Variants in STX8 observed in about 807,000 individuals in gnomAD.
STX8 encodes the protein syntaxin-8.
STX8 carries 23 observed loss-of-function variants against 37.5 expected under a neutral mutation model. The ratio of observed to expected loss-of-function variants is 0.61; its 90% CI spans 0.44 to 0.87. STX8 has a LOEUF of 0.87. Ranked by LOEUF, STX8 falls within the 40% of genes least tolerant of loss-of-function variation. The pLI is 0.00. For synonymous variants in STX8, 115 were observed against 99.1 expected (o/e 1.16, Z -0.95); for missense variants, 313 against 284.7 (o/e 1.10, Z -0.71).
intron 7 of STX8, among the ~76,000 whole-genome samples, chr17:9,339,373 G>A (rs986554309): frequency 7.3e-5 from 11 of 151,668 alleles, no homozygotes; most frequent in African/African-American, 2.7e-4. Flanking sequence ...GGACTCCTCA[G>A]GCCGGGTGCA....
Position 9,383,717 on chromosome 17 carries a change from C to T in STX8, c.542-5064G>A, listed in dbSNP as rs541885038. ...ATGACATGATTGTACACCCAGAAAA[C>T]GATAAAGTCTATTTAAAAACTACTA... On this transcript the variant is annotated intron_variant, in intron 6 of 7. Transcript: ENST00000306357. Among the ~76,000 whole-genome samples, 28 of 152,086 alleles carry T rather than the reference C, an allele frequency of 1.8e-4. No individual in the cohort carries two copies. The South Asian group carries it at 5.4e-3, about 29-fold the overall frequency.
intron 7 of STX8, among the ~76,000 whole-genome samples, chr17:9,329,606 C>T (rs1230315501): frequency 6.6e-6 from 1 of 152,226 alleles, no homozygotes; most frequent in Non-Finnish European, 1.5e-5. Flanking sequence ...GGCATGTGAG[C>T]AGAGGCAGAA....
chr17:9,431,586 C>G (rs73973748), intron 6 of STX8, among the ~76,000 whole-genome samples: 1 of 152,148 alleles, frequency 6.6e-6, no homozygotes, highest in Non-Finnish European at 1.5e-5. Context: ...TGAGCCACCG[C>G]GGCTGGCCAA....
chr17:9,505,613 T>C (rs1021651068), intron 4 of STX8, among the ~76,000 whole-genome samples: 2 of 152,204 alleles, frequency 1.3e-5, no homozygotes, highest in Non-Finnish European at 2.9e-5. Context: ...AATGTTGTTG[T>C]TGTTTTAAAA....
chr17:9,331,919 A>G (rs2142218747), intron 7 of STX8, among the ~76,000 whole-genome samples: 1 of 152,350 alleles, frequency 6.6e-6, no homozygotes, highest in Non-Finnish European at 1.5e-5. Context: ...GTGCAGAGGA[A>G]TTCTTCATTC....
At chr17:9,388,108 G>C (rs1912081300) in intron 6 of STX8, among the ~76,000 whole-genome samples, 1 of 119,728 alleles carries the variant, frequency 8.4e-6, no homozygotes, top group Non-Finnish European at 1.7e-5. Context: ...CTTCGCTCTT[G>C]TTGCCCAGGC....
chr17:9,327,223 A>AGAAGGAGGAAGAAGGAG (rs1909789998), intron 7 of STX8, among the ~76,000 whole-genome samples: 1 of 146,236 alleles, frequency 6.8e-6, no homozygotes, highest in African/African-American at 2.6e-5. Flanking sequence ...AGAAGGAGGA[A>AGAAGGAGGAAGAAGGAG]GAAGGAGGAA....
intron 7 of STX8, among the ~76,000 whole-genome samples, chr17:9,282,381 G>A (rs1235700043): frequency 3.3e-5 from 5 of 152,104 alleles, no homozygotes; most frequent in Non-Finnish European, 5.9e-5. Flanking sequence ...TGATTCACTC[G>A]CCTCAGCCTC....
Position 9,381,786 on chromosome 17 carries a change from T to C in STX8, c.542-3133A>G, listed in dbSNP as rs548945521. Among the ~76,000 whole-genome samples the C allele has an allele frequency of 2.6e-5, 4 of 152,296 alleles. No homozygotes were observed. The East Asian group carries it at 5.8e-4, about 22-fold the overall frequency. ...GAGTTTGAGACCAGCCTGGCCAACA[T>C]GGTGGAACCCCTTCTCTGCTAAAAA... On this transcript the variant is annotated intron_variant, in intron 6 of 7. Transcript: ENST00000306357.
chr17:9,400,646 C>T (rs887344039), intron 6 of STX8, among the ~76,000 whole-genome samples: 11 of 152,172 alleles, frequency 7.2e-5, no homozygotes, highest in African/African-American at 2.7e-4. Context: ...TTCAGGTGAT[C>T]CGCCTGCCTT....
chr17:9,300,698 A>G (rs1908740062), intron 7 of STX8, among the ~76,000 whole-genome samples: 1 of 152,160 alleles, frequency 6.6e-6, no homozygotes, highest in African/African-American at 2.4e-5. Context: ...TTCCAAGTAG[A>G]CAACTGGAAA....
At chr17:9,376,441 C>T (rs1457602534) in intron 7 of STX8, among the ~76,000 whole-genome samples, 1 of 152,122 alleles carries the variant, frequency 6.6e-6, no homozygotes, top group Non-Finnish European at 1.5e-5. Flanking sequence ...GTAAAATGGA[C>T]CAATCAGCAC....
At chr17:9,377,221 C>A (rs967665992) in intron 7 of STX8, among the ~76,000 whole-genome samples, 2 of 152,088 alleles carry the variant, frequency 1.3e-5, no homozygotes, top group African/African-American at 4.8e-5. Context: ...GGATCCATTA[C>A]ATTTTTCATA....
intron 7 of STX8, among the ~76,000 whole-genome samples, chr17:9,308,300 C>A (rs1002326218): frequency 1.3e-5 from 2 of 152,204 alleles, no homozygotes; most frequent in African/African-American, 4.8e-5. Context: ...GTCTTATGAT[C>A]TACTTTCAGA....
intron 7 of STX8, among the ~76,000 whole-genome samples, chr17:9,359,377 G>A (rs1260598667): frequency 2.6e-5 from 4 of 152,040 alleles, no homozygotes; most frequent in African/African-American, 9.7e-5. Flanking sequence ...AAACACACTG[G>A]CCCTGGGAAG....
chr17:9,265,587 T>A (rs1907206603), intron 7 of STX8, among the ~76,000 whole-genome samples: 1 of 152,248 alleles, frequency 6.6e-6, no homozygotes, highest in Non-Finnish European at 1.5e-5. Context: ...CAATACACGT[T>A]TACTCAACAA....
chr17:9,462,268 G>C (rs1905421609), intron 6 of STX8, among the ~76,000 whole-genome samples: 1 of 152,144 alleles, frequency 6.6e-6, no homozygotes, highest in Non-Finnish European at 1.5e-5. Context: ...GGAAACCTGA[G>C]GCTGACAAGA....
chr17:9,575,716 A>G, intron 1 of STX8, 76 bp downstream of exon 1: 1 of 1,519,630 alleles, frequency 6.6e-7, no homozygotes, highest in Non-Finnish European at 8.9e-7. Context: ...GGCAATGCGA[A>G]GTGATTGCCT....
rs949068286 is a variant in STX8 at position 9,459,774 on chromosome 17, C to T, written c.541+32055G>A. Among the ~76,000 whole-genome samples, 7 of 152,228 alleles carry T rather than the reference C, an allele frequency of 4.6e-5. 1 individual carries two copies. Among genetic ancestry groups the T allele is most frequent in the Admixed American group, 3.9e-4 (6 of 15,280 alleles). ...TTGTGATCCACCTGCCTCGGCCTCC[C>T]GAAGTGCTCGGATTACAGGAGTGAA... On this transcript the variant is annotated intron_variant, in intron 6 of 7. Transcript: ENST00000306357.
Sources: gnomAD v4.1 joint callset for allele counts (sites outside exome capture counted in the v4.1 genomes callset) on GRCh38, gnomAD v4.1.1 for gene constraint, MANE v1.5 for transcripts, NCBI Gene and HGNC (gene_info 2026-07-23, HGNC 2026-07-21) for gene names.